ZFPM2: variants seen among roughly 807,000 people sequenced by gnomAD.
ZFPM2 encodes zinc finger protein ZFPM2.
A neutral mutation model predicts 98.6 loss-of-function variants in ZFPM2; 20 were observed. That is an observed-to-expected ratio of 0.20 (90% CI 0.14 to 0.29). The LOEUF (loss-of-function observed/expected upper bound fraction) is 0.29. Among genes scored for constraint, ZFPM2 ranks in the 10% least tolerant of loss-of-function variants. The pLI, the probability that ZFPM2 is intolerant of heterozygous loss-of-function variation, is 1.00. For synonymous variants in ZFPM2, 518 were observed against 502.7 expected (o/e 1.03, Z -0.41); for missense variants, 1,310 against 1,388.6 (o/e 0.94, Z 0.90).
chr8:105,571,115 C>T (rs1334497636), intron 4 of ZFPM2, among the ~76,000 whole-genome samples: 1 of 152,206 alleles, frequency 6.6e-6, no homozygotes, highest in Admixed American at 6.5e-5. Flanking sequence ...CCTTTTCCCA[C>T]AGAGGATCGG....
At chr8:105,427,347 G>T (rs1192679715) in intron 2 of ZFPM2, among the ~76,000 whole-genome samples, 1 of 151,998 alleles carries the variant, frequency 6.6e-6, no homozygotes, top group Non-Finnish European at 1.5e-5. Context: ...ATGACCCATG[G>T]TCATTTATAT....
At chr8:105,567,532 TCG>T (rs1815266595) in intron 4 of ZFPM2, among the ~76,000 whole-genome samples, 1 of 152,112 alleles carries the variant, frequency 6.6e-6, no homozygotes, top group Admixed American at 6.6e-5. Flanking sequence ...CCTGCTTACT[TCG>T]CCACAACCTT....
At chr8:105,679,080 A>G (rs1304992550) in intron 5 of ZFPM2, 3 of 152,196 alleles carry the variant, frequency 2.0e-5, no homozygotes, top group South Asian at 2.1e-4. Flanking sequence ...TCATTTGATT[A>G]TCAGATAGGA....
chr8:105,646,118 A>G (rs1393967427), intron 5 of ZFPM2, among the ~76,000 whole-genome samples: 1 of 150,674 alleles, frequency 6.6e-6, no homozygotes, highest in East Asian at 1.9e-4. Flanking sequence ...ATGCTTCTCT[A>G]TGGGACACGT....
At chr8:105,654,302 T>A (rs1817241799) in intron 5 of ZFPM2, among the ~76,000 whole-genome samples, 1 of 151,956 alleles carries the variant, frequency 6.6e-6, no homozygotes, top group African/African-American at 2.4e-5. Context: ...ATATATATGC[T>A]CTCTGTCCTG....
At chr8:105,590,575 A>G (rs1214326098) in intron 4 of ZFPM2, among the ~76,000 whole-genome samples, 1 of 152,210 alleles carries the variant, frequency 6.6e-6, no homozygotes, top group Non-Finnish European at 1.5e-5. Context: ...TTTTTGAGTT[A>G]GTTATTTAAT....
chr8:105,563,059 C>T (rs557521192), intron 4 of ZFPM2, among the ~76,000 whole-genome samples: 1 of 152,290 alleles, frequency 6.6e-6, no homozygotes, highest in East Asian at 1.9e-4. Context: ...GTCCTTCTCT[C>T]TAAATGCCAT....
chr8:105,580,178 CAT>C (rs1815558937), intron 4 of ZFPM2, among the ~76,000 whole-genome samples: 1 of 152,176 alleles, frequency 6.6e-6, no homozygotes, highest in African/African-American at 2.4e-5. Context: ...TGGCACCAAA[CAT>C]AAAGATATGT....
At chr8:105,422,650 T>C (rs2130099006) in intron 2 of ZFPM2, among the ~76,000 whole-genome samples, 1 of 152,190 alleles carries the variant, frequency 6.6e-6, no homozygotes, top group African/African-American at 2.4e-5. Flanking sequence ...GCATAAAAAT[T>C]TTGTAAATTG....
chr8:105,760,633 C>T (rs769358303), intron 5 of ZFPM2, among the ~76,000 whole-genome samples: 1 of 151,946 alleles, frequency 6.6e-6, no homozygotes, highest in Non-Finnish European at 1.5e-5. Flanking sequence ...ATGGTTTTGA[C>T]ATTTGTCCTT....
chr8:105,330,536 CTCTA>C lies in ZFPM2; in HGVS notation c.40+11557_40+11560del, dbSNP rs1288200530. ...AACAAAACAATTTCTCTCTCTCTCT[CTCTA>C]TATATATATATACATATATATATAT... On this transcript the variant is annotated intron_variant, in intron 1 of 7. Transcript: ENST00000407775. 4.9e-3 allele frequency among the ~76,000 whole-genome samples: 445 copies of C among 90,116 alleles called. 4 individuals are homozygous for C. The highest frequency in any genetic ancestry group is 0.011 in the African/African-American group (257 of 22,654). 59.1% of individuals were successfully genotyped at this position (90,116 alleles called of 152,430 possible).
chr8:105,616,146 C>T (rs988080775), intron 4 of ZFPM2, among the ~76,000 whole-genome samples: 2 of 151,772 alleles, frequency 1.3e-5, no homozygotes, highest in South Asian at 2.1e-4. Flanking sequence ...TAATTAGAAA[C>T]TCAATGACCA....
chr8:105,774,633 A>G (rs1465756401), intron 5 of ZFPM2, among the ~76,000 whole-genome samples: 2 of 152,180 alleles, frequency 1.3e-5, no homozygotes, highest in Non-Finnish European at 2.9e-5. Context: ...TAAGTAGGAT[A>G]TTTTGTAAAG....
chr8:105,735,529 T>C (rs1475938560), intron 5 of ZFPM2, among the ~76,000 whole-genome samples: 1 of 151,930 alleles, frequency 6.6e-6, no homozygotes, highest in African/African-American at 2.4e-5. Context: ...GAAAACAATG[T>C]TTAGGAAAGA....
intron 3 of ZFPM2, among the ~76,000 whole-genome samples, chr8:105,505,546 T>C (rs1374855922): frequency 6.6e-6 from 1 of 152,182 alleles, no homozygotes; most frequent in Non-Finnish European, 1.5e-5. Flanking sequence ...TACTTTTTTT[T>C]TTCTGTTGAC....
intron 5 of ZFPM2, among the ~76,000 whole-genome samples, chr8:105,742,304 G>A (rs535346040): frequency 1.3e-5 from 2 of 148,720 alleles, no homozygotes; most frequent in South Asian, 4.3e-4. Flanking sequence ...CTTGAGCCCA[G>A]TAGTTCAAGG....
intron 1 of ZFPM2, among the ~76,000 whole-genome samples, chr8:105,325,620 G>A (rs1812100175): frequency 6.6e-6 from 1 of 151,736 alleles, no homozygotes; most frequent in South Asian, 2.1e-4. Flanking sequence ...ATAGAGAGTG[G>A]CAAACTGTTT....
chr8:105,327,133 T>G (rs1812129805), intron 1 of ZFPM2, among the ~76,000 whole-genome samples: 1 of 151,460 alleles, frequency 6.6e-6, no homozygotes, highest in African/African-American at 2.4e-5. Context: ...TGGGCATCTC[T>G]TATTGAGAGA....
At chr8:105,450,888 G>C (rs951147835) in intron 3 of ZFPM2, among the ~76,000 whole-genome samples, 5 of 151,908 alleles carry the variant, frequency 3.3e-5, no homozygotes, top group Non-Finnish European at 7.4e-5. Context: ...TTGTAGAACA[G>C]AATGCCACAT....
Sources: gnomAD v4.1 joint callset for allele counts (sites outside exome capture counted in the v4.1 genomes callset) on GRCh38, gnomAD v4.1.1 for gene constraint, MANE v1.5 for transcripts, NCBI Gene and HGNC (gene_info 2026-07-23, HGNC 2026-07-21) for gene names.